NLRP2: variants seen among roughly 807,000 people sequenced by gnomAD.
The protein encoded by NLRP2 is NACHT, LRR and PYD domains-containing protein 2.
NLRP2 carries 107 observed loss-of-function variants against 97.2 expected under a neutral mutation model. The observed-to-expected ratio is 1.10, with a 90% CI of 0.94 to 1.29. The LOEUF (loss-of-function observed/expected upper bound fraction) is 1.29. Ranked by LOEUF, NLRP2 falls within the 50% of genes most tolerant of loss-of-function variation. NLRP2 has a pLI of 0.00. For synonymous variants in NLRP2, 663 were observed against 551.5 expected (o/e 1.20, Z -2.83); for missense variants, 1,495 against 1,330.3 (o/e 1.12, Z -1.93).
At chr19:54,998,539 G>GTTTC (rs1202650455) in intron 12 of NLRP2, among the ~76,000 whole-genome samples, 1 of 61,062 alleles carries the variant, frequency 1.6e-5, no homozygotes, top group East Asian at 4.3e-4. Context: ...TAAGCTTTAA[G>GTTTC]TTTGTTTGTT....
In NLRP2 at chr19:55,000,270, C is replaced by CTTTTTTTTTTTTTTTT. The variant is rs1157138794; in HGVS notation, c.3051-466_3051-451dup. On this transcript the variant is annotated intron_variant, in intron 12 of 12. Coordinates refer to ENST00000448584, the MANE Select transcript of NLRP2 (RefSeq NM_017852.5). ...CCAGCTTGGGCAACAGAGAGACTGT[C>CTTTTTTTTTTTTTTTT]TTTTTTTTTTTTTTTTTTTTTTTTT... is the stretch of plus-strand genomic sequence containing the variant. 2.5e-4 allele frequency among the ~76,000 whole-genome samples: 9 copies of CTTTTTTTTTTTTTTTT among 36,026 alleles called. 3 individuals carry two copies. The highest frequency in any genetic ancestry group is 4.4e-4 in the Non-Finnish European group (9 of 20,646). The allele number at this position is 36,026 out of a possible 152,430, so 23.6% of individuals were successfully genotyped here.
At chr19:54,977,675 A>G in intron 3 of NLRP2, 77 bp from the exon 4 acceptor site, 4 of 1,380,262 alleles carry the variant, frequency 2.9e-6, no homozygotes, top group South Asian at 1.2e-5. Context: ...ACTGAGACTC[A>G]GGGGTCCAAC....
At chr19:54,994,560 G>A (rs926752220) in intron 11 of NLRP2, 121 bp downstream of exon 11, 31 of 1,019,924 alleles carry the variant, frequency 3.0e-5, no homozygotes, top group Non-Finnish European at 4.5e-5. Context: ...TTATAGAGTC[G>A]ATCGAGCATT....
intron 3 of NLRP2, among the ~76,000 whole-genome samples, chr19:54,975,106 GTTT>G (rs558518586): frequency 1.2e-3 from 71 of 58,670 alleles, no homozygotes; most frequent in Middle Eastern, 0.018. Context: ...ACCCGGTTTT[GTTT>G]TTTTTTTTTT....
At chr19:54,988,051 G>GA (rs902398115) in intron 8 of NLRP2, among the ~76,000 whole-genome samples, 2 of 151,774 alleles carry the variant, frequency 1.3e-5, no homozygotes, top group South Asian at 2.1e-4. Context: ...CTCGAGGACA[G>GA]AAAAAAAATT....
intron 2 of NLRP2, among the ~76,000 whole-genome samples, chr19:54,971,995 A>ATT (rs61335843): frequency 0.14 from 16,489 of 116,256 alleles, 1,512 homozygotes; most frequent in Non-Finnish European, 0.21. Context: ...TGCCTGGCTG[A>ATT]TTTTTTTTTT....
At chr19:54,979,659 CTT>C (rs963646533) in intron 4 of NLRP2, among the ~76,000 whole-genome samples, 3 of 151,836 alleles carry the variant, frequency 2.0e-5, no homozygotes, top group African/African-American at 4.8e-5. Context: ...CCCACATTGA[CTT>C]TTGATACAGC....
At chr19:54,975,114 T>TG (rs2071127533) in intron 3 of NLRP2, among the ~76,000 whole-genome samples, 1 of 15,310 alleles carries the variant, frequency 6.5e-5, no homozygotes, top group Non-Finnish European at 1.0e-4. Flanking sequence ...TTGTTTTTTT[T>TG]TTTTTTTTTT....
In NLRP2 at chr19:54,981,662, T is replaced by G; in HGVS notation, c.443T>G (p.Val148Gly). 10 of 1,590,880 alleles carry G rather than the reference T, an allele frequency of 6.3e-6. No homozygotes were observed. The highest frequency in any genetic ancestry group is 8.6e-6 in the Non-Finnish European group (10 of 1,158,896). Residue 148 changes from valine to glycine, a missense_variant, in exon 5 of 13, where the codon GTC (valine) becomes GGC (glycine). Val to Gly is a moderately radical substitution (Grantham distance 109). Coordinates refer to ENST00000448584, the MANE Select transcript of NLRP2 (RefSeq NM_017852.5). The stretch of plus-strand genomic sequence containing the variant: ...AATGTCATCTGCCTGGGTAAAGAAG[T>G]CTTTAAAGGAAAAAAGCCAGGTCTG... ...KGNVICLGKEVFKGKKPDKDN... is the reference protein window; with the variant it reads ...KGNVICLGKEGFKGKKPDKDN...
At chr19:54,999,831 G>A (rs1199462470) in intron 12 of NLRP2, among the ~76,000 whole-genome samples, 2 of 152,048 alleles carry the variant, frequency 1.3e-5, no homozygotes, top group East Asian at 3.9e-4. Flanking sequence ...CCGCCTCCCA[G>A]GTTCAAGTGA....
At chr19:54,990,724 C>G (rs1480805253) in intron 10 of NLRP2, 52 bp downstream of exon 10, 2 of 1,590,340 alleles carry the variant, frequency 1.3e-6, no homozygotes, top group Non-Finnish European at 8.6e-7. Flanking sequence ...ACACGCCCCC[C>G]ACCTCCGGGT....
At chr19:54,985,764 G>C (rs913725507) in intron 7 of NLRP2, among the ~76,000 whole-genome samples, 1 of 151,870 alleles carries the variant, frequency 6.6e-6, no homozygotes, top group Admixed American at 6.6e-5. Flanking sequence ...GGGGGCCCAA[G>C]GTGGGGGGAT....
intron 5 of NLRP2, 33 bp downstream of exon 5, chr19:54,981,715 G>A (rs2071589088): frequency 1.7e-6 from 2 of 1,184,104 alleles, no homozygotes; most frequent in Non-Finnish European, 2.5e-6. Flanking sequence ...GGGAGCTTGG[G>A]ATCAGATTTC....
chr19:54,974,091 C>CA (rs2071043407), intron 2 of NLRP2: 1 of 873,496 alleles, frequency 1.1e-6, no homozygotes, highest in African/African-American at 1.7e-5. Flanking sequence ...CGCGGTGGCT[C>CA]ACGCCTGTAA....
At chr19:54,977,487 TTGTGTGTGTGTGTG>T (rs61515967) in intron 3 of NLRP2, among the ~76,000 whole-genome samples, 31 of 147,424 alleles carry the variant, frequency 2.1e-4, no homozygotes, top group African/African-American at 5.7e-4. Flanking sequence ...CGTGAGTAGT[TTGTGTGTGTGTGTG>T]TGTGTGTGTG....
At chr19:54,981,248 C>T (rs1216164862) in intron 4 of NLRP2, among the ~76,000 whole-genome samples, 2 of 152,200 alleles carry the variant, frequency 1.3e-5, no homozygotes, top group African/African-American at 2.4e-5. Flanking sequence ...CTTACTACAA[C>T]CTCCATCTCC....
intron 11 of NLRP2, 125 bp downstream of exon 11, chr19:54,994,564 G>A (rs2072700815): frequency 8.2e-6 from 8 of 980,628 alleles, no homozygotes; most frequent in African/African-American, 3.2e-5. Flanking sequence ...AGAGTCGATC[G>A]AGCATTTACT....
intron 7 of NLRP2, among the ~76,000 whole-genome samples, chr19:54,985,477 A>G (rs111622510): frequency 0.078 from 11,817 of 152,122 alleles, 503 homozygotes; most frequent in African/African-American, 0.1. Flanking sequence ...CAGGAGTTCG[A>G]GACCAGCCTG....
chr19:54,983,221 A>G lies in NLRP2; in HGVS notation c.1523A>G (p.Gln508Arg), dbSNP rs774696773. The change falls in exon 6 of 13, where the codon CAG becomes CGG. Residue 508 changes from glutamine (Q) to arginine (R), a missense_variant. Coordinates refer to ENST00000448584, the MANE Select transcript of NLRP2 (RefSeq NM_017852.5). Reference sequence around the variant, plus strand: ...TCCTTCATCCACCTCAGCTTCCAGCAGTTTCTCACTGCCCTGTTCTACACC... The same window carrying G: ...TCCTTCATCCACCTCAGCTTCCAGCGGTTTCTCACTGCCCTGTTCTACACC... The part of the protein sequence containing the change: ...CYSFIHLSFQ[Q>R]FLTALFYTLE... The G allele has an allele frequency of 3.7e-6, 6 of 1,614,068 alleles. No individual in the cohort carries two copies. The Admixed American group carries it at 8.3e-5, about 22-fold the overall frequency.
Sources: allele counts gnomAD v4.1 joint callset (sites outside exome capture counted in the v4.1 genomes callset), GRCh38; gene constraint gnomAD v4.1.1; transcripts MANE v1.5; gene names NCBI Gene and HGNC (gene_info 2026-07-23, HGNC 2026-07-21).